The following CFAP57 variants were observed in gnomAD, a reference collection of about 807,000 sequenced individuals.
The protein encoded by CFAP57 is cilia- and flagella-associated protein 57.
A neutral mutation model predicts 146.8 loss-of-function variants in CFAP57; 116 were observed. The ratio of observed to expected loss-of-function variants is 0.79; its 90% CI spans 0.68 to 0.92. The LOEUF (loss-of-function observed/expected upper bound fraction) is 0.92. Ranked by LOEUF, CFAP57 falls within the 40% of genes least tolerant of loss-of-function variation. CFAP57 has a pLI of 0.00. For missense variants in CFAP57, 1,377 were observed against 1,527.2 expected, an observed-to-expected ratio of 0.90 and a Z score of 1.64; for synonymous variants, 518 against 552.8, an observed-to-expected ratio of 0.94 and a Z score of 0.88.
chr1:43,206,667 TA>T, intron 9 of CFAP57, 52 bp from the exon 10 acceptor site: 1 of 1,586,176 alleles, frequency 6.3e-7, no homozygotes, highest in South Asian at 1.1e-5. Context: ...TTTTCTGTGT[TA>T]GGGTGTAAGT....
chr1:43,191,586 C>CAA (rs10672819), intron 6 of CFAP57, among the ~76,000 whole-genome samples: 5,020 of 64,918 alleles, frequency 0.077, 346 homozygotes, highest in African/African-American at 0.18. Flanking sequence ...GACTCCGTCT[C>CAA]AAAAAAAAAA....
rs557953900 is a variant in CFAP57, at chr1:43,186,200, C to T, written c.970-507C>T. Among the ~76,000 whole-genome samples, 3 of 152,198 alleles carry T rather than the reference C, an allele frequency of 2.0e-5. No individual in the cohort carries two copies. In the East Asian group the frequency reaches 5.8e-4, roughly 29 times the overall value. ...GAAGTTGCATTGAGCCAAGATCATG[C>T]CACTGTATTCCAGTCTGGGTGACAG... On this transcript the variant is annotated intron_variant, in intron 5 of 22. Transcript: ENST00000372492.
At chr1:43,174,041 A>G (rs991834205) in intron 2 of CFAP57, among the ~76,000 whole-genome samples, 11 of 152,108 alleles carry the variant, frequency 7.2e-5, no homozygotes, top group African/African-American at 2.7e-4. Flanking sequence ...GGCTATTCCT[A>G]TTTAGTCGTA....
intron 6 of CFAP57, chr1:43,194,733 A>G (rs190550982): frequency 6.6e-6 from 1 of 152,254 alleles, no homozygotes; most frequent in African/African-American, 2.4e-5. Context: ...GAGCACCTCT[A>G]GTGGATTTTT....
chr1:43,177,146 A>G, intron 2 of CFAP57: 1 of 456,236 alleles, frequency 2.2e-6, no homozygotes, highest in Non-Finnish European at 4.4e-6. Flanking sequence ...TGTACAGAGG[A>G]CAGATTTAAG....
rs762921041 is a variant in CFAP57, at chr1:43,183,559, A to T, written c.475-32A>T. 5.0e-6 allele frequency: 8 copies of T among 1,601,974 alleles called. No individual in the cohort carries two copies. In the Admixed American group the frequency reaches 5.0e-5, roughly 10 times the overall value. On this transcript the variant is annotated intron_variant, in intron 3 of 22. Coordinates refer to ENST00000372492, the MANE Select transcript of CFAP57 (RefSeq NM_001378189.1). ...AATTCCATCAAGAATAGTTTCATAAATTTTTTTCTTCAATTCTCTCACATT... is the reference window on the plus strand; with the variant it reads ...AATTCCATCAAGAATAGTTTCATAATTTTTTTTCTTCAATTCTCTCACATT...
intron 6 of CFAP57, among the ~76,000 whole-genome samples, chr1:43,191,647 T>C (rs562960338): frequency 6.7e-6 from 1 of 149,004 alleles, no homozygotes; most frequent in Admixed American, 6.8e-5. Context: ...TTAATATGAT[T>C]TTCCTCCTCC....
intron 15 of CFAP57, 93 bp from the exon 16 acceptor site, chr1:43,222,731 A>G (rs1401839080): frequency 2.2e-6 from 3 of 1,384,718 alleles, no homozygotes; most frequent in Non-Finnish European, 2.9e-6. Context: ...TCCCTGGGAC[A>G]GGTCCCCATG....
At chr1:43,207,320 G>C (rs968518988) in intron 10 of CFAP57, among the ~76,000 whole-genome samples, 3 of 152,156 alleles carry the variant, frequency 2.0e-5, no homozygotes, top group African/African-American at 7.2e-5. Context: ...CACCAATGAT[G>C]GACCACATGG....
Position 43,183,796 on chromosome 1 carries a change from A to G in CFAP57, c.680A>G (p.Asp227Gly), listed in dbSNP as rs1645518724. 3 of 1,614,084 alleles carry G rather than the reference A, an allele frequency of 1.9e-6. No homozygotes were observed. The highest frequency in any genetic ancestry group is 2.5e-6 in the Non-Finnish European group (3 of 1,180,032). Residue 227 changes from aspartate to glycine, a missense_variant, in exon 4 of 23, where the codon GAT becomes GGT. By Grantham distance (94) the Asp-to-Gly change is moderately conservative. Coordinates refer to ENST00000372492, the MANE Select transcript of CFAP57 (RefSeq NM_001378189.1). Reference sequence around the variant, plus strand: ...AAACTCTTCCTCTTTGAATCTGGAGATCAGCGTTGGGAGACCAGCATAATG... The same window carrying G: ...AAACTCTTCCTCTTTGAATCTGGAGGTCAGCGTTGGGAGACCAGCATAATG... ...TGKLFLFESGDQRWETSIMVK... is the reference protein window; with the variant it reads ...TGKLFLFESGGQRWETSIMVK...
rs1433772671 is a variant in CFAP57, at chr1:43,210,074, T to C, written c.1929+158T>C. On this transcript the variant is annotated intron_variant, in intron 11 of 22. Transcript: ENST00000372492. ...CACCATCTATTGACTATGAATATAC[T>C]CTTTGTTTAAACTACTTCCAGGAAT... is the stretch of plus-strand genomic sequence containing the variant. 1.9e-6 allele frequency: 3 copies of C among 1,614,062 alleles called. No homozygotes were observed. Among genetic ancestry groups the C allele is most frequent in the East Asian group, 2.2e-5 (1 of 44,890 alleles).
intron 6 of CFAP57, among the ~76,000 whole-genome samples, chr1:43,197,117 G>A (rs889063099): frequency 1.3e-5 from 2 of 152,138 alleles, no homozygotes; most frequent in Non-Finnish European, 2.9e-5. Flanking sequence ...ACTTTGGGAG[G>A]CCAAGGTGGG....
chr1:43,249,436 T>TC (rs1646249669), intron 22 of CFAP57, among the ~76,000 whole-genome samples: 1 of 121,378 alleles, frequency 8.2e-6, no homozygotes, highest in Non-Finnish European at 1.7e-5. Context: ...TTTTTTTTTT[T>TC]TTTTTTTTTT....
rs1644012565 is a variant in CFAP57, at chr1:43,199,389, G to A, written c.1429-1G>A. On this transcript the variant is annotated splice_acceptor_variant, in intron 8 of 22. Transcript: ENST00000372492. LOFTEE classifies it high-confidence loss of function. ...TGCTCTCTTGCTGTCTTTCCCTATA[G>A]TGTTCCTTTAGCAATGGAGGTCACC... 1 of 1,613,968 alleles carries A rather than the reference G, an allele frequency of 6.2e-7. No homozygotes were observed. The highest frequency in any genetic ancestry group is 8.5e-7 in the Non-Finnish European group (1 of 1,179,922).
At chr1:43,236,666 T>C (rs1282326191) in intron 21 of CFAP57, among the ~76,000 whole-genome samples, 1 of 148,608 alleles carries the variant, frequency 6.7e-6, no homozygotes, top group African/African-American at 2.5e-5. Flanking sequence ...TCCCAGCACT[T>C]TGGGAGGCCG....
At chr1:43,199,764 G>C (rs756411463) in intron 9 of CFAP57, among the ~76,000 whole-genome samples, 5 of 151,996 alleles carry the variant, frequency 3.3e-5, no homozygotes, top group Non-Finnish European at 7.4e-5. Context: ...GCAAAGGCTT[G>C]GTCCTATAAG....
Position 43,209,883 on chromosome 1 carries a change from T to G in CFAP57, c.1896T>G (p.Asn632Lys). 6.2e-7 allele frequency: 1 copy of G among 1,614,240 alleles called. No individual in the cohort carries two copies. Among genetic ancestry groups the G allele is most frequent in the East Asian group, 2.2e-5 (1 of 44,882 alleles). Residue 632 changes from asparagine (N) to lysine (K), a missense_variant, in exon 11 of 23, where the codon AAT (asparagine) becomes AAG (lysine). Coordinates refer to ENST00000372492, the MANE Select transcript of CFAP57 (RefSeq NM_001378189.1). Reference sequence around the variant, plus strand: ...CTCTGCCTCTGCAGAAGGAATTCAATGAGTACCAGGCCCATGCCGGTCCTA... The same window carrying G: ...CTCTGCCTCTGCAGAAGGAATTCAAGGAGTACCAGGCCCATGCCGGTCCTA... ...KYPLPLQKEF[N>K]EYQAHAGPIT...
Position 43,215,328 on chromosome 1 carries a change from T to A in CFAP57, c.2003T>A (p.Phe668Tyr). The A allele has an allele frequency of 6.4e-7, 1 of 1,551,314 alleles. No individual in the cohort carries two copies. The highest frequency in any genetic ancestry group is 8.7e-7 in the Non-Finnish European group (1 of 1,147,128). Residue 668 changes from phenylalanine to tyrosine, a missense_variant, in exon 12 of 23, where the codon TTT becomes TAT. By Grantham distance (22) the Phe-to-Tyr change is conservative. Transcript: ENST00000372492. ...GGCTGCCTGTTCACCTGGAAGGTCT[T>A]TGATAAGGATGGCCGGGGAATCAAG... ...EDGCLFTWKV[F>Y]DKDGRGIKRE...
At chr1:43,229,065 C>A (rs897560663) in intron 18 of CFAP57, among the ~76,000 whole-genome samples, 1 of 148,872 alleles carries the variant, frequency 6.7e-6, no homozygotes, top group Non-Finnish European at 1.5e-5. Flanking sequence ...GTGGAGGGCA[C>A]CAACGTTCAT....
Sources: allele counts gnomAD v4.1 joint callset (sites outside exome capture counted in the v4.1 genomes callset), GRCh38; gene constraint gnomAD v4.1.1; transcripts MANE v1.5; gene names NCBI Gene and HGNC (gene_info 2026-07-23, HGNC 2026-07-21).